The following HIVEP1 variants were observed in gnomAD, a reference collection of about 807,000 sequenced individuals.
HIVEP1 encodes zinc finger protein 40.
HIVEP1 carries 36 observed loss-of-function variants against 180.0 expected under a neutral mutation model. The ratio of observed to expected loss-of-function variants is 0.20; its 90% CI spans 0.15 to 0.26. The LOEUF (loss-of-function observed/expected upper bound fraction) is 0.26. Ranked by LOEUF, HIVEP1 falls within the 10% of genes least tolerant of loss-of-function variation. The pLI is 1.00. For synonymous variants in HIVEP1, 1,239 were observed against 1,239.0 expected, an observed-to-expected ratio of 1.00 and a Z score of 0.00; for missense variants, 3,143 against 3,268.7, an observed-to-expected ratio of 0.96 and a Z score of 0.94.
intron 7 of HIVEP1, among the ~76,000 whole-genome samples, chr6:12,137,724 CCAG>C (rs1220653160): frequency 6.6e-6 from 1 of 152,012 alleles, no homozygotes; most frequent in African/African-American, 2.4e-5. Context: ...TGTTGCTACA[CCAG>C]CAGAATTTAT....
At chr6:12,034,848 G>A (rs138382072) in intron 2 of HIVEP1, among the ~76,000 whole-genome samples, 6 of 152,286 alleles carry the variant, frequency 3.9e-5, no homozygotes, top group South Asian at 4.1e-4. Flanking sequence ...TGACCTGGGC[G>A]TTGTACCAGG....
downstream of HIVEP1, among the ~76,000 whole-genome samples, chr6:12,168,195 T>TATATAC (rs1554161516): frequency 1.2e-4 from 5 of 42,976 alleles, 1 homozygote; most frequent in Non-Finnish European, 2.1e-4. Flanking sequence ...GATATACGTG[T>TATATAC]ATATATACAT....
chr6:12,166,627 G>T (rs765669573), downstream of HIVEP1, among the ~76,000 whole-genome samples: 4 of 152,150 alleles, frequency 2.6e-5, no homozygotes, highest in Non-Finnish European at 5.9e-5. Context: ...AATAGACAAG[G>T]GAACAATAAT....
chr6:12,160,982 A>T (rs924700922), intron 7 of HIVEP1, among the ~76,000 whole-genome samples: 1 of 152,236 alleles, frequency 6.6e-6, no homozygotes, highest in Non-Finnish European at 1.5e-5. Context: ...GCTCACAGAT[A>T]CCAACAGCCA....
At position 12,124,733 on chromosome 6, in the gene HIVEP1, T is replaced by C; in HGVS notation, c.4938T>C (p.Ala1646=). 1 of 1,614,166 alleles carries C rather than the reference T, an allele frequency of 6.2e-7. No individual in the cohort carries two copies. The highest frequency in any genetic ancestry group is 8.5e-7 in the Non-Finnish European group (1 of 1,180,028). ...TACGCCTGCAGAGTAGTGTTCCTGC[T>C]TACTGTTTTGCTACACTCACATCCC... ...LPIRLQSSVP[A]YCFATLTSLP... Residue 1646 remains alanine, a synonymous_variant, in exon 4 of 9, where the codon GCT becomes GCC. Coordinates refer to ENST00000379388, the MANE Select transcript of HIVEP1 (RefSeq NM_002114.4).
At chr6:12,016,565 A>G (rs1180650198) in intron 2 of HIVEP1, among the ~76,000 whole-genome samples, 2 of 139,052 alleles carry the variant, frequency 1.4e-5, no homozygotes, top group African/African-American at 5.2e-5. Flanking sequence ...AGTCACCATA[A>G]GGTGATCTTT....
chr6:12,011,919 C>G (rs1262254868), upstream of HIVEP1: 1 of 144,714 alleles, frequency 6.9e-6, no homozygotes, highest in African/African-American at 2.5e-5. Flanking sequence ...CTCCCGCCCC[C>G]GGGGATCCCC....
intron 2 of HIVEP1, chr6:12,020,502 C>T (rs1768116315): frequency 2.1e-6 from 1 of 465,332 alleles, no homozygotes; most frequent in Admixed American, 2.4e-5. Context: ...ATCTCCACCA[C>T]CTTCTCAGGC....
At chr6:12,071,888 CT>C (rs1401273281) in intron 2 of HIVEP1, among the ~76,000 whole-genome samples, 78 of 152,184 alleles carry the variant, frequency 5.1e-4, no homozygotes, top group African/African-American at 1.8e-3. Context: ...ACTGTAAATG[CT>C]TTAATTCATT....
chr6:12,185,061 T>C, the HIVEP1 span, among the ~76,000 whole-genome samples: 87 of 152,352 alleles, frequency 5.7e-4, 2 homozygotes, highest in East Asian at 0.016. Flanking sequence ...AGGTTTTGAA[T>C]GTAGCTACTG....
chr6:12,044,125 A>G (rs1769958415), intron 2 of HIVEP1, among the ~76,000 whole-genome samples: 2 of 152,120 alleles, frequency 1.3e-5, no homozygotes, highest in African/African-American at 2.4e-5. Context: ...GGAGACCACT[A>G]TCTTAAAGCC....
rs367635784 is a variant in HIVEP1 at position 12,123,117 on chromosome 6, C to A, written c.3322C>A (p.Leu1108Met). The change falls in exon 4 of 9, where the codon CTG (leucine) becomes ATG (methionine). Residue 1108 changes from leucine to methionine, a missense_variant. Physicochemically the swap from Leu to Met is conservative, Grantham distance 15 (BLOSUM62 2). Transcript: ENST00000379388. ...CCCTGAGCAGACCATGGATCCCAAG[C>A]TGTCGACCATCATGGAACAACAGAT... ...RGPEQTMDPKLSTIMEQQISS... is the reference protein window; with the variant it reads ...RGPEQTMDPKMSTIMEQQISS... 6.8e-6 allele frequency: 11 copies of A among 1,614,048 alleles called. No individual in the cohort carries two copies. The highest frequency in any genetic ancestry group is 8.5e-6 in the Non-Finnish European group (10 of 1,180,008).
At chr6:12,145,275 A>T (rs1759301304) in intron 7 of HIVEP1, among the ~76,000 whole-genome samples, 1 of 152,118 alleles carries the variant, frequency 6.6e-6, no homozygotes, top group Non-Finnish European at 1.5e-5. Context: ...AGGACAGAAA[A>T]CCAAACACCG....
At chr6:12,058,187 C>G (rs777393972) in intron 2 of HIVEP1, among the ~76,000 whole-genome samples, 17 of 151,258 alleles carry the variant, frequency 1.1e-4, no homozygotes, top group Non-Finnish European at 1.5e-4. Flanking sequence ...GGGCTTTGGT[C>G]TGAGAGTGTT....
At chr6:12,199,233 A>C in the HIVEP1 span, among the ~76,000 whole-genome samples, 3 of 152,012 alleles carry the variant, frequency 2.0e-5, no homozygotes, top group African/African-American at 7.3e-5. Flanking sequence ...TGGCATTGGA[A>C]CCTACCAGAA....
chr6:12,056,704 C>T (rs1325836654), intron 2 of HIVEP1, among the ~76,000 whole-genome samples: 5 of 152,046 alleles, frequency 3.3e-5, no homozygotes, highest in Admixed American at 2.0e-4. Context: ...GGTAAAAACG[C>T]GACTTTAATG....
intron 2 of HIVEP1, among the ~76,000 whole-genome samples, chr6:12,053,804 G>T (rs995669349): frequency 3.3e-5 from 5 of 152,236 alleles, no homozygotes; most frequent in Non-Finnish European, 2.9e-5. Context: ...AGATAAATCT[G>T]CCAAGCTCTG....
chr6:12,107,321 T>G (rs1423245917), intron 3 of HIVEP1, among the ~76,000 whole-genome samples: 1 of 152,244 alleles, frequency 6.6e-6, no homozygotes, highest in Non-Finnish European at 1.5e-5. Context: ...GAGAATACCT[T>G]AATTTAAAAA....
At chr6:12,023,428 T>C (rs961240106) in intron 2 of HIVEP1, among the ~76,000 whole-genome samples, 5 of 152,200 alleles carry the variant, frequency 3.3e-5, no homozygotes, top group African/African-American at 1.2e-4. Context: ...GCCTTAAGAT[T>C]TGAGAAATCA....
Sources: gnomAD v4.1 joint callset for allele counts (sites outside exome capture counted in the v4.1 genomes callset) on GRCh38, gnomAD v4.1.1 for gene constraint, MANE v1.5 for transcripts, NCBI Gene and HGNC (gene_info 2026-07-23, HGNC 2026-07-21) for gene names.